Variants in SMAD3 observed in about 807,000 individuals in gnomAD.
SMAD3 encodes MAD homolog 3.
SMAD3 carries 12 observed loss-of-function variants against 51.8 expected under a neutral mutation model. The ratio of observed to expected loss-of-function variants is 0.23; its 90% CI spans 0.15 to 0.38. SMAD3 has a LOEUF of 0.38. Ranked by LOEUF, SMAD3 falls within the 10% of genes least tolerant of loss-of-function variation. The probability of loss-of-function intolerance (pLI) is 1.00; values close to 1 mark genes in which losing one functional copy is unlikely to be tolerated. For missense variants in SMAD3, 294 were observed against 565.6 expected (o/e 0.52, Z 4.87); for synonymous variants, 238 against 227.7 (o/e 1.05, Z -0.41).
chr15:67,173,048 T>A (rs1379582312), intron 5 of SMAD3, among the ~76,000 whole-genome samples: 1 of 151,998 alleles, frequency 6.6e-6, no homozygotes, highest in African/African-American at 2.4e-5. Flanking sequence ...CTTGTTGGGA[T>A]CAATAAGGCA....
intron 1 of SMAD3, among the ~76,000 whole-genome samples, chr15:67,126,326 G>A (rs1222228844): frequency 6.6e-6 from 1 of 151,966 alleles, no homozygotes; most frequent in Non-Finnish European, 1.5e-5. Flanking sequence ...CCATGCTGGG[G>A]CACTGTGCCC....
rs1959907894 is a variant in SMAD3 at position 67,066,122 on chromosome 15, G to A, written c.-33G>A. 20 of 1,540,406 alleles carry A rather than the reference G, an allele frequency of 1.3e-5. No individual in the cohort carries two copies. The highest frequency in any genetic ancestry group is 1.6e-5 in the Non-Finnish European group (18 of 1,139,332). On this transcript the variant is annotated 5_prime_UTR_variant, in exon 1 of 9. Transcript: ENST00000327367. ...CCCGTCGAGCCCAGCCCCGCCGGGGGCGCTCCTCGCCGCCCGCGCGCCCTC... is the reference window on the plus strand; with the variant it reads ...CCCGTCGAGCCCAGCCCCGCCGGGGACGCTCCTCGCCGCCCGCGCGCCCTC...
At chr15:67,127,635 C>T (rs1358853824) in intron 1 of SMAD3, among the ~76,000 whole-genome samples, 1 of 152,218 alleles carries the variant, frequency 6.6e-6, no homozygotes, top group Non-Finnish European at 1.5e-5. Context: ...TCTTCTGTGC[C>T]CGTCTCTGGA....
chr15:67,180,519 G>T lies in SMAD3; in HGVS notation c.659-722G>T, dbSNP rs1005089237. 5.4e-5 allele frequency among the ~76,000 whole-genome samples: 8 copies of T among 148,678 alleles called. No homozygotes were observed. In the East Asian group the frequency reaches 1.6e-3, roughly 29 times the overall value. On this transcript the variant is annotated intron_variant, in intron 5 of 8. Transcript: ENST00000327367. Reference sequence around the variant, plus strand: ...CAGATTTTCTTTCAGAAGGGTTTGTGTCCGAGCCACCCCAACAGCCGGCAT... The same window carrying T: ...CAGATTTTCTTTCAGAAGGGTTTGTTTCCGAGCCACCCCAACAGCCGGCAT...
chr15:67,098,647 G>C (rs189286879), intron 1 of SMAD3: 5 of 539,962 alleles, frequency 9.3e-6, no homozygotes, highest in Non-Finnish European at 1.7e-5. Context: ...GTGGGGCCGC[G>C]TTTTTCTCCT....
At chr15:67,187,078 T>C in intron 7 of SMAD3, 1 of 593,410 alleles carries the variant, frequency 1.7e-6, no homozygotes, top group African/African-American at 1.8e-5. Flanking sequence ...TGCAGACTTC[T>C]CCCTGCTCTG....
intron 5 of SMAD3, among the ~76,000 whole-genome samples, chr15:67,171,249 G>A (rs1366923701): frequency 6.6e-6 from 1 of 152,082 alleles, no homozygotes; most frequent in Non-Finnish European, 1.5e-5. Flanking sequence ...TCCGTATTTA[G>A]GTGTCTTGTT....
chr15:67,164,001 C>T (rs1300381968), intron 1 of SMAD3, among the ~76,000 whole-genome samples: 1 of 147,592 alleles, frequency 6.8e-6, no homozygotes, highest in African/African-American at 2.5e-5. Flanking sequence ...ACTCCCTGCT[C>T]ACCACAAATA....
chr15:67,187,230 G>C, intron 7 of SMAD3, 135 bp from the exon 8 acceptor site: 2 of 1,024,724 alleles, frequency 2.0e-6, no homozygotes, highest in East Asian at 2.4e-5. Context: ...TGTGGCAAAT[G>C]CATCACACAC....
At position 67,110,875 on chromosome 15, in the gene SMAD3, A is replaced by G. The variant is rs191795608; in HGVS notation, c.206+44515A>G. Reference sequence around the variant, plus strand: ...TGTACCCCTGACCCAGATGTCCGTAATGTTAACATCTTGTATTACCATGGT... The same window carrying G: ...TGTACCCCTGACCCAGATGTCCGTAGTGTTAACATCTTGTATTACCATGGT... On this transcript the variant is annotated intron_variant, in intron 1 of 8. Coordinates refer to ENST00000327367, the MANE Select transcript of SMAD3 (RefSeq NM_005902.4). Among the ~76,000 whole-genome samples the G allele has an allele frequency of 6.6e-4, 101 of 152,262 alleles. 1 individual carries two copies. Among genetic ancestry groups the G allele is most frequent in the Non-Finnish European group, 1.2e-3 (79 of 68,050 alleles).
At chr15:67,153,548 TA>T (rs1962204194) in intron 1 of SMAD3, among the ~76,000 whole-genome samples, 1 of 152,072 alleles carries the variant, frequency 6.6e-6, no homozygotes, top group Non-Finnish European at 1.5e-5. Context: ...AGCATTTCCT[TA>T]GCCCAGGGGG....
chr15:67,192,765 A>G lies in SMAD3; in HGVS notation c.*2229A>G, dbSNP rs188412401. On this transcript the variant is annotated 3_prime_UTR_variant, in exon 9 of 9. Coordinates refer to ENST00000327367, the MANE Select transcript of SMAD3 (RefSeq NM_005902.4). ...CGTGTCTTACTCCAGGTGAAGGGGGAAAAAAAAAGCCTATACTTTGGCAGG... is the reference window on the plus strand; with the variant it reads ...CGTGTCTTACTCCAGGTGAAGGGGGGAAAAAAAAGCCTATACTTTGGCAGG... The G allele has an allele frequency of 8.8e-3, 2,026 of 229,564 alleles. 22 individuals carry two copies. The highest frequency in any genetic ancestry group is 0.025 in the African/African-American group (1,133 of 44,954). 14.2% of individuals were successfully genotyped at this position (229,564 alleles called of 1,614,324 possible). A position where few individuals can be genotyped will look rare whatever the true frequency, so the allele number is the denominator to read the frequency against.
intron 5 of SMAD3, among the ~76,000 whole-genome samples, chr15:67,179,732 G>A (rs1963001520): frequency 1.3e-5 from 2 of 152,168 alleles, no homozygotes; most frequent in African/African-American, 4.8e-5. Flanking sequence ...AAGGTCTGAT[G>A]AGCAGGGATC....
chr15:67,067,789 G>A (rs922146601), intron 1 of SMAD3, among the ~76,000 whole-genome samples: 1 of 152,146 alleles, frequency 6.6e-6, no homozygotes. Flanking sequence ...GCGTGTGATC[G>A]GGAGCCAGAA....
In SMAD3 at chr15:67,191,003, C is replaced by G. The variant is rs972184125; in HGVS notation, c.*467C>G. ...ATGCCCAGCTCTCTGACGCTTGTGA[C>G]AGTGCCTCTTCCAGTGAACATTCCC... is the stretch of plus-strand genomic sequence containing the variant. On this transcript the variant is annotated 3_prime_UTR_variant, in exon 9 of 9. Transcript: ENST00000327367. 1.6e-5 allele frequency: 4 copies of G among 244,254 alleles called. No individual in the cohort carries two copies. The highest frequency in any genetic ancestry group is 2.4e-5 in the Non-Finnish European group (3 of 124,204). The allele number at this position is 244,254 out of a possible 1,614,324, so 15.1% of individuals were successfully genotyped here.
At chr15:67,144,177 A>C (rs539976807) in intron 1 of SMAD3, among the ~76,000 whole-genome samples, 1 of 152,026 alleles carries the variant, frequency 6.6e-6, no homozygotes, top group African/African-American at 2.4e-5. Flanking sequence ...CCCCATCCCT[A>C]GGCATCCACT....
At chr15:67,069,542 A>G (rs184948279) in intron 1 of SMAD3, among the ~76,000 whole-genome samples, 157 of 152,306 alleles carry the variant, frequency 1.0e-3, no homozygotes, top group Non-Finnish European at 1.8e-3. Context: ...CCACCAGGGA[A>G]TCCATGCCTT....
chr15:67,083,310 TCA>T (rs1960317417), intron 1 of SMAD3, among the ~76,000 whole-genome samples: 1 of 152,242 alleles, frequency 6.6e-6, no homozygotes. Flanking sequence ...ACCAGTGGTC[TCA>T]GATGTTTACC....
At chr15:67,101,182 A>G (rs1011104667) in intron 1 of SMAD3, among the ~76,000 whole-genome samples, 3 of 152,326 alleles carry the variant, frequency 2.0e-5, no homozygotes, top group Non-Finnish European at 2.9e-5. Context: ...ATTGTGTGCA[A>G]ATACATACGT....
Sources: allele counts gnomAD v4.1 joint callset (sites outside exome capture counted in the v4.1 genomes callset), GRCh38; gene constraint gnomAD v4.1.1; transcripts MANE v1.5; gene names NCBI Gene and HGNC (gene_info 2026-07-23, HGNC 2026-07-21).